Variants in PLCH2 observed in about 807,000 individuals in gnomAD.
PLCH2 encodes phospholipase C eta 2.
In PLCH2, 98 loss-of-function variants were observed where a neutral mutation model predicts 134.7. That is an observed-to-expected ratio of 0.73 (90% CI 0.62 to 0.86). The LOEUF is 0.86. Among genes scored for constraint, PLCH2 ranks in the 40% least tolerant of loss-of-function variants. PLCH2 has a pLI of 0.00. For missense variants in PLCH2, 1,994 were observed against 1,986.6 expected, an observed-to-expected ratio of 1.00 and a Z score of -0.07; for synonymous variants, 974 against 827.5, an observed-to-expected ratio of 1.18 and a Z score of -3.04.
At chr1:2,483,143 C>T (rs1031741323) in intron 4 of PLCH2, among the ~76,000 whole-genome samples, 2 of 152,198 alleles carry the variant, frequency 1.3e-5, no homozygotes, top group Non-Finnish European at 2.9e-5. Flanking sequence ...GGAGGTATTT[C>T]CTGCTTCTCA....
At chr1:2,487,076 G>C in intron 6 of PLCH2, 76 bp downstream of exon 6, 1 of 1,506,342 alleles carries the variant, frequency 6.6e-7, no homozygotes, top group South Asian at 1.2e-5. Flanking sequence ...TGTGGGCCGG[G>C]ACAGGTGTTC....
At chr1:2,478,043 G>C (rs576097320) in intron 1 of PLCH2, among the ~76,000 whole-genome samples, 3 of 152,246 alleles carry the variant, frequency 2.0e-5, no homozygotes, top group Non-Finnish European at 1.5e-5. Flanking sequence ...GTCTTGCCTC[G>C]TGCCCGGCCT....
intron 1 of PLCH2, among the ~76,000 whole-genome samples, chr1:2,470,882 G>A (rs1641292460): frequency 6.6e-6 from 1 of 152,234 alleles, no homozygotes; most frequent in African/African-American, 2.4e-5. Flanking sequence ...CCTGGACGGT[G>A]GCTGGGGGCA....
chr1:2,426,740 G>C (rs897308153), intron 1 of PLCH2, among the ~76,000 whole-genome samples: 1 of 152,186 alleles, frequency 6.6e-6, no homozygotes, highest in African/African-American at 2.4e-5. Context: ...CCTCAGCCTC[G>C]CACTTCCTGA....
At position 2,504,831 on chromosome 1, in the gene PLCH2, C is replaced by A; in HGVS notation, c.3869C>A (p.Ser1290Ter). ...LGLPGGTRRV[S>*]GPGVRRDTLT... is the part of the protein sequence containing the mutation. The stretch of plus-strand genomic sequence containing the variant: ...CTCCCGGGAGGGACACGGCGGGTGT[C>A]GGGGCCAGGGGTGAGACGGGACACC... Residue 1290 changes from serine (S) to a stop codon, truncating the protein, a stop_gained, in exon 22 of 22, where the codon TCG becomes TAG. Coordinates refer to ENST00000378486, the MANE Select transcript of PLCH2 (RefSeq NM_014638.4). LOFTEE classifies it high-confidence loss of function. 2 of 1,608,180 alleles carry A rather than the reference C, an allele frequency of 1.2e-6. No individual in the cohort carries two copies. The highest frequency in any genetic ancestry group is 1.7e-6 in the Non-Finnish European group (2 of 1,178,124).
At chr1:2,436,302 C>T (rs1242005783) in intron 2 of PLCH2, among the ~76,000 whole-genome samples, 6 of 61,212 alleles carry the variant, frequency 9.8e-5, no homozygotes, top group Non-Finnish European at 3.5e-5. Flanking sequence ...TTTCCTCCTT[C>T]TTCCCTCCTC....
At chr1:2,469,629 C>G (rs1056606053) in intron 1 of PLCH2, among the ~76,000 whole-genome samples, 1 of 152,100 alleles carries the variant, frequency 6.6e-6, no homozygotes, top group Admixed American at 6.5e-5. Flanking sequence ...AGTGGCTCCA[C>G]CTTCATTGAG....
At chr1:2,503,748 C>A (rs907296292) in intron 21 of PLCH2, 174 bp from the exon 22 acceptor site, 7 of 617,502 alleles carry the variant, frequency 1.1e-5, no homozygotes, top group African/African-American at 1.8e-5. Context: ...GGTGGGGACA[C>A]CGAGTGTGCC....
chr1:2,447,217 G>T (rs1464157316), intron 2 of PLCH2, among the ~76,000 whole-genome samples: 2 of 152,212 alleles, frequency 1.3e-5, no homozygotes, highest in African/African-American at 2.4e-5. Context: ...GCAACCTGAG[G>T]GGCTTCCAGG....
Position 2,502,171 on chromosome 1 carries a change from G to A in PLCH2, c.2721G>A (p.Leu907=), listed in dbSNP as rs1352981222. The change falls in exon 21 of 22, where the codon CTG becomes CTA. Residue 907 remains leucine, a synonymous_variant. Transcript: ENST00000378486. ...TCCGAGGCCCAAAGCCCGGCTCGCT[G>A]GACAGTCATGCTGCTGGGCGGCCCC... ...LFLRGPKPGS[L]DSHAAGRPPA... 1.3e-6 allele frequency: 2 copies of A among 1,515,436 alleles called. No homozygotes were observed. The highest frequency in any genetic ancestry group is 1.8e-6 in the Non-Finnish European group (2 of 1,135,052). The allele number at this position is 1,515,436 out of a possible 1,614,324, so 93.9% of individuals were successfully genotyped here. A position where few individuals can be genotyped will look rare whatever the true frequency, so the allele number is the denominator to read the frequency against.
rs763602208 is a variant in PLCH2, at chr1:2,479,923, TGGCC to T, written c.465_468del (p.Gly156SerfsTer18). On this transcript the variant is annotated frameshift_variant, in exon 3 of 22. Transcript: ENST00000378486. LOFTEE classifies it high-confidence loss of function. ...TGGGTCACTGGCCTGCGCTACCTCA[TGGCC>T]GGCATCAGCGACGAGGACAGCCTGG... The T allele has an allele frequency of 1.2e-6, 2 of 1,610,296 alleles. No homozygotes were observed. The highest frequency in any genetic ancestry group is 3.3e-5 in the Admixed American group (2 of 59,966).
chr1:2,489,787 G>A lies in PLCH2; in HGVS notation c.1435G>A (p.Glu479Lys), dbSNP rs1376074481. The A allele has an allele frequency of 8.7e-6, 14 of 1,613,540 alleles. No homozygotes were observed. Among genetic ancestry groups the A allele is most frequent in the South Asian group, 3.3e-5 (3 of 91,088 alleles). ...KGKKLPANIS[E>K]DAEEGEVSDE... ...GAAGAAGCTCCCAGCCAACATCAGC[G>A]AGGATGCGGAGGAAGGCGAGGTGTC... Residue 479 changes from glutamate to lysine, a missense_variant, in exon 10 of 22, where the codon GAG (glutamate) becomes AAG (lysine). Glu to Lys is a moderately conservative substitution (Grantham distance 56). Coordinates refer to ENST00000378486, the MANE Select transcript of PLCH2 (RefSeq NM_014638.4).
chr1:2,497,469 G>T (rs1056129774), intron 15 of PLCH2, 33 bp from the exon 16 acceptor site: 11 of 1,464,458 alleles, frequency 7.5e-6, no homozygotes, highest in Non-Finnish European at 1.0e-5. Flanking sequence ...AAGGTCAGGT[G>T]CTGACCAGGG....
In PLCH2 at chr1:2,503,007, G is replaced by A. The variant is rs559667177; in HGVS notation, c.2959+598G>A. 15 of 715,506 alleles carry A rather than the reference G, an allele frequency of 2.1e-5. 1 individual carries two copies. The highest frequency in any genetic ancestry group is 4.5e-5 in the South Asian group (3 of 66,922). The allele number at this position is 715,506 out of a possible 1,614,324, so 44.3% of individuals were successfully genotyped here. On this transcript the variant is annotated intron_variant, in intron 21 of 21. Transcript: ENST00000378486. ...GCTTCTGCGTGGACGGTGTCGCCTC[G>A]TGTGCTCGTGCTCGTGGCTCTGTAT...
At chr1:2,471,316 T>A (rs1641314869), upstream of PLCH2, among the ~76,000 whole-genome samples, 1 of 151,822 alleles carries the variant, frequency 6.6e-6, no homozygotes, top group South Asian at 2.1e-4. Context: ...AGCTGGAGAG[T>A]GTGGAGGCCT....
chr1:2,503,858 C>T, intron 21 of PLCH2, 64 bp from the exon 22 acceptor site: 1 of 658,982 alleles, frequency 1.5e-6, no homozygotes, highest in South Asian at 1.7e-5. Flanking sequence ...GCCTCTCTCC[C>T]TGCCTCCCTC....
intron 2 of PLCH2, among the ~76,000 whole-genome samples, chr1:2,459,299 A>AGTGGTCCTCCTTCCTG (rs1191588076): frequency 5.0e-4 from 72 of 142,904 alleles, no homozygotes; most frequent in Middle Eastern, 3.8e-3. Flanking sequence ...CTTCCTTGCC[A>AGTGGTCCTCCTTCCTG]GTGGTCCTCC....
intron 2 of PLCH2, among the ~76,000 whole-genome samples, chr1:2,441,025 G>C (rs1005630161): frequency 7.9e-5 from 12 of 152,338 alleles, no homozygotes; most frequent in African/African-American, 2.9e-4. Flanking sequence ...CCGGGAAAGG[G>C]GGTGCAGATG....
the PLCH2 span, among the ~76,000 whole-genome samples, chr1:2,415,953 C>G: frequency 3.3e-5 from 5 of 152,354 alleles, no homozygotes; most frequent in Middle Eastern, 6.8e-3. Context: ...AAACCCAGTT[C>G]CGGTGCTGTG....
Sources: gnomAD v4.1 joint callset for allele counts (sites outside exome capture counted in the v4.1 genomes callset) on GRCh38, gnomAD v4.1.1 for gene constraint, MANE v1.5 for transcripts, NCBI Gene and HGNC (gene_info 2026-07-23, HGNC 2026-07-21) for gene names.